The following USP54 variants were observed in gnomAD, a reference collection of about 807,000 sequenced individuals.
USP54 encodes the protein ubiquitin carboxyl-terminal hydrolase 54.
A neutral mutation model predicts 170.5 loss-of-function variants in USP54; 87 were observed. The ratio of observed to expected loss-of-function variants is 0.51; its 90% CI spans 0.43 to 0.61. USP54 has a LOEUF of 0.61. Among genes scored for constraint, USP54 ranks in the 20% least tolerant of loss-of-function variants. USP54 has a pLI of 0.00. For missense variants in USP54, 1,786 were observed against 2,047.8 expected, an observed-to-expected ratio of 0.87 and a Z score of 2.47; for synonymous variants, 655 against 742.8, an observed-to-expected ratio of 0.88 and a Z score of 1.92.
intron 4 of USP54, among the ~76,000 whole-genome samples, chr10:73,561,104 C>CAAAAAAAA (rs919887025): frequency 6.6e-5 from 2 of 30,486 alleles, no homozygotes; most frequent in Admixed American, 4.0e-4. Context: ...GACTCCATCT[C>CAAAAAAAA]AAAAAAAAAA....
chr10:73,499,014 A>G lies in USP54; in HGVS notation c.4670T>C (p.Leu1557Pro), dbSNP rs1458036009. ...ETNQHIGTRFLTTPGCNPQLT... is the reference protein window; with the variant it reads ...ETNQHIGTRFPTTPGCNPQLT... Reference sequence around the variant, plus strand: ...TTGAGGATTGCACCCTGGAGTAGTCAGGAATCTGGTCCCAATATGCTGGTT... The same window carrying G: ...TTGAGGATTGCACCCTGGAGTAGTCGGGAATCTGGTCCCAATATGCTGGTT... Residue 1557 changes from leucine (L) to proline (P), a missense_variant, in exon 24 of 24, where the codon CTG (leucine) becomes CCG (proline). Leu to Pro is a moderately conservative substitution (Grantham distance 98). Around this residue, in one of 3 missense-constraint regions of USP54, gnomAD observed 1,418 missense variants for 1,569.0 expected, o/e 0.90. Transcript: ENST00000687698. 6.2e-7 allele frequency: 1 copy of G among 1,614,042 alleles called. No individual in the cohort carries two copies. The highest frequency in any genetic ancestry group is 1.7e-5 in the Admixed American group (1 of 59,992).
intron 1 of USP54, 137 bp from the exon 2 acceptor site, chr10:73,576,498 G>GA (rs2076121514): frequency 3.5e-5 from 2 of 57,358 alleles, no homozygotes; most frequent in African/African-American, 6.7e-5. Context: ...CAAAAAAAAA[G>GA]AAAAAAAGAA....
intron 4 of USP54, among the ~76,000 whole-genome samples, chr10:73,549,095 T>G (rs1345917999): frequency 6.6e-6 from 1 of 152,198 alleles, no homozygotes; most frequent in Non-Finnish European, 1.5e-5. Context: ...TTCCCCTGGT[T>G]CCAGGGCACC....
At chr10:73,504,664 A>T (rs1356764516) in intron 22 of USP54, 186 bp downstream of exon 22, 2 of 789,562 alleles carry the variant, frequency 2.5e-6, no homozygotes, top group Non-Finnish European at 3.9e-6. Context: ...TGGAATGGAC[A>T]TTCCTCTGGG....
chr10:73,536,467 C>G, intron 10 of USP54, 30 bp from the exon 11 acceptor site: 1 of 1,504,008 alleles, frequency 6.6e-7, no homozygotes, highest in East Asian at 2.3e-5. Flanking sequence ...AAGAACATGA[C>G]AATTATACTT....
chr10:73,549,694 C>T (rs2068767591), intron 4 of USP54, among the ~76,000 whole-genome samples: 1 of 152,194 alleles, frequency 6.6e-6, no homozygotes, highest in South Asian at 2.1e-4. Flanking sequence ...TCAGCCTAGT[C>T]CAAGTCATCT....
rs559990160 is a variant in USP54, at chr10:73,580,062, G to A, written c.-581-3701C>T. ...AAACAGGCCAGGTGCAGTAGTTCAC[G>A]CCTGTAATCCCAGCACTTTGGGAGG... On this transcript the variant is annotated intron_variant, in intron 1 of 23. Transcript: ENST00000687698. 4.6e-5 allele frequency among the ~76,000 whole-genome samples: 7 copies of A among 152,044 alleles called. No homozygotes were observed. In the East Asian group the frequency reaches 7.8e-4, roughly 17 times the overall value.
rs1240791966 is a variant in USP54 at position 73,530,524 on chromosome 10, C to G, written c.172-1G>C. 2.5e-6 allele frequency: 4 copies of G among 1,601,142 alleles called. No homozygotes were observed. The highest frequency in any genetic ancestry group is 3.4e-6 in the Non-Finnish European group (4 of 1,175,972). ...GCCTGCTTCTCTTTCAGTGTTTCTC[C>G]TAAAAACACAAAGAATGAAAGAAAT... On this transcript the variant is annotated splice_acceptor_variant, in intron 1 of 10. Coordinates refer to the USP54 transcript ENST00000466048. LOFTEE classifies it high-confidence loss of function.
intron 1 of USP54, among the ~76,000 whole-genome samples, chr10:73,608,246 C>G (rs554102244): frequency 1.3e-5 from 2 of 151,636 alleles, no homozygotes; most frequent in Non-Finnish European, 2.9e-5. Flanking sequence ...GGCAACAGAG[C>G]GAGATTCCAT....
intron 17 of USP54, among the ~76,000 whole-genome samples, chr10:73,521,815 G>A (rs2133325856): frequency 6.6e-6 from 1 of 152,212 alleles, no homozygotes; most frequent in East Asian, 1.9e-4. Context: ...GTGAATGTGT[G>A]CCAAAGCAGG....
intron 4 of USP54, among the ~76,000 whole-genome samples, chr10:73,567,802 C>T (rs936868199): frequency 3.3e-5 from 5 of 152,154 alleles, no homozygotes; most frequent in Non-Finnish European, 5.9e-5. Context: ...CAAATAATGG[C>T]AACTTTGTTT....
chr10:73,522,038 T>G (rs576714538), intron 17 of USP54, among the ~76,000 whole-genome samples: 6 of 152,120 alleles, frequency 3.9e-5, no homozygotes, highest in Non-Finnish European at 8.8e-5. Flanking sequence ...CTGAGTCACT[T>G]CTCCCATAAT....
At chr10:73,541,991 G>A in intron 7 of USP54, 1 of 487,270 alleles carries the variant, frequency 2.1e-6, no homozygotes, top group East Asian at 3.5e-5. Context: ...GGAGGGATGG[G>A]AGAGGAAAGA....
chr10:73,583,086 C>T (rs2077075720), intron 1 of USP54, among the ~76,000 whole-genome samples: 1 of 151,992 alleles, frequency 6.6e-6, no homozygotes, highest in Non-Finnish European at 1.5e-5. Context: ...GACAAATAGC[C>T]CTCAAACTGA....
chr10:73,535,302 G>A (rs564529232), intron 11 of USP54, among the ~76,000 whole-genome samples: 2 of 152,186 alleles, frequency 1.3e-5, no homozygotes, highest in African/African-American at 4.8e-5. Flanking sequence ...TGAATACCTA[G>A]CTGAGATAAG....
intron 1 of USP54, among the ~76,000 whole-genome samples, chr10:73,600,004 C>T (rs960756494): frequency 1.1e-4 from 17 of 150,402 alleles, no homozygotes; most frequent in Admixed American, 9.4e-4. Context: ...TGGGTTCAAG[C>T]GATTCTCCTG....
At chr10:73,582,007 C>A (rs2076956789) in intron 1 of USP54, among the ~76,000 whole-genome samples, 1 of 152,156 alleles carries the variant, frequency 6.6e-6, no homozygotes, top group African/African-American at 2.4e-5. Flanking sequence ...AATGTGCTAC[C>A]ATTTTTCTCA....
intron 12 of USP54, among the ~76,000 whole-genome samples, chr10:73,534,087 C>T (rs556477077): frequency 1.2e-4 from 18 of 152,228 alleles, no homozygotes; most frequent in Non-Finnish European, 2.4e-4. Context: ...GGAGTATGTG[C>T]AATGGAGCAT....
At chr10:73,514,198 C>T (rs1190934840) in intron 20 of USP54, among the ~76,000 whole-genome samples, 4 of 152,084 alleles carry the variant, frequency 2.6e-5, no homozygotes, top group Admixed American at 2.0e-4. Flanking sequence ...CCTCATGATC[C>T]GCCCACCTCC....
Sources: allele counts gnomAD v4.1 joint callset (sites outside exome capture counted in the v4.1 genomes callset), GRCh38; gene constraint gnomAD v4.1.1; regional missense constraint gnomAD v4.1.1; transcripts MANE v1.5; gene names NCBI Gene and HGNC (gene_info 2026-07-23, HGNC 2026-07-21).